DOCK3: variants seen among roughly 807,000 people sequenced by gnomAD.
The protein encoded by DOCK3 is dedicator of cytokinesis protein 3.
Under a neutral mutation model 265.6 loss-of-function variants are expected in DOCK3, and 60 were observed. That is an observed-to-expected ratio of 0.23 (90% confidence interval 0.18 to 0.28). The LOEUF is 0.28. DOCK3 is among the 10% of genes least tolerant of loss of function. The pLI is 1.00. For synonymous variants in DOCK3, 881 were observed against 938.0 expected (o/e 0.94, Z 1.11); for missense variants, 1,981 against 2,594.3 (o/e 0.76, Z 5.14).
chr3:50,877,868 T>A (rs967822268), intron 3 of DOCK3, among the ~76,000 whole-genome samples: 6 of 152,046 alleles, frequency 3.9e-5, no homozygotes, highest in African/African-American at 1.2e-4. Context: ...GGGAGACATC[T>A]CCCAATAGAG....
At chr3:50,717,155 A>G (rs1239189109) in intron 1 of DOCK3, among the ~76,000 whole-genome samples, 3 of 152,170 alleles carry the variant, frequency 2.0e-5, no homozygotes, top group African/African-American at 4.8e-5. Context: ...ATTAATGGAT[A>G]TTTGCATTAT....
chr3:50,914,399 T>G (rs1405426696), intron 4 of DOCK3, among the ~76,000 whole-genome samples: 1 of 152,142 alleles, frequency 6.6e-6, no homozygotes, highest in African/African-American at 2.4e-5. Context: ...GTTGTGTTTC[T>G]ATTTTCACTT....
intron 5 of DOCK3, among the ~76,000 whole-genome samples, chr3:50,951,722 A>G (rs975851468): frequency 4.6e-5 from 7 of 152,108 alleles, no homozygotes; most frequent in African/African-American, 1.7e-4. Context: ...GGTGTTTTAG[A>G]CTGTTATCCT....
At chr3:51,143,569 CCTCA>C (rs2085164676) in intron 9 of DOCK3, among the ~76,000 whole-genome samples, 1 of 152,096 alleles carries the variant, frequency 6.6e-6, no homozygotes, top group African/African-American at 2.4e-5. Context: ...CACACCCAGC[CCTCA>C]CTGTGTTTTT....
At chr3:51,147,380 T>G (rs2085348161) in intron 10 of DOCK3, among the ~76,000 whole-genome samples, 1 of 152,198 alleles carries the variant, frequency 6.6e-6, no homozygotes, top group African/African-American at 2.4e-5. Flanking sequence ...CTAGGGTACA[T>G]GTACACAACA....
intron 2 of DOCK3, among the ~76,000 whole-genome samples, chr3:50,798,834 A>G (rs534733618): frequency 6.6e-6 from 1 of 152,088 alleles, no homozygotes; most frequent in South Asian, 2.1e-4. Context: ...CTGTTTACTT[A>G]TAGTAGTTTT....
chr3:51,160,752 C>A lies in DOCK3; in HGVS notation c.1037+50C>A, dbSNP rs555618501. On this transcript the variant is annotated intron_variant, in intron 12 of 52. Transcript: ENST00000266037. ...TAATGATTTGTAGCATAAGACATCC[C>A]AGCACTGCCCTTGAGAGTAGTAGTG... is the stretch of plus-strand genomic sequence containing the variant. The A allele has an allele frequency of 1.1e-5, 17 of 1,582,628 alleles. 2 individuals are homozygous for A. The African/African-American group carries it at 1.6e-4, about 15-fold the overall frequency.
intron 1 of DOCK3, among the ~76,000 whole-genome samples, chr3:50,686,024 G>T (rs1472279540): frequency 6.6e-6 from 1 of 152,024 alleles, no homozygotes; most frequent in East Asian, 1.9e-4. Context: ...ATGAGGGGAT[G>T]GTTTCAGGAT....
chr3:51,019,006 A>G (rs186656384), intron 5 of DOCK3, among the ~76,000 whole-genome samples: 2 of 151,878 alleles, frequency 1.3e-5, no homozygotes, highest in Non-Finnish European at 2.9e-5. Context: ...GGGTAAGACT[A>G]TAGGCATGAG....
intron 12 of DOCK3, among the ~76,000 whole-genome samples, chr3:51,169,524 G>A (rs1327938162): frequency 6.0e-4 from 92 of 152,180 alleles, no homozygotes; most frequent in Non-Finnish European, 4.4e-5. Context: ...CTTATATGTG[G>A]GAGCTAAGTG....
chr3:51,153,170 C>G (rs1319686592), intron 10 of DOCK3, among the ~76,000 whole-genome samples: 2 of 152,206 alleles, frequency 1.3e-5, no homozygotes, highest in African/African-American at 4.8e-5. Flanking sequence ...TGGAGCTTCC[C>G]CAGCCGCTTT....
intron 7 of DOCK3, among the ~76,000 whole-genome samples, chr3:51,082,159 T>C (rs146862786): frequency 0.011 from 1,649 of 152,068 alleles, 25 homozygotes; most frequent in Middle Eastern, 0.045. Flanking sequence ...AAAGGCATTG[T>C]TCCAGAGAGA....
At chr3:50,846,788 A>G (rs2085585) in intron 3 of DOCK3, among the ~76,000 whole-genome samples, 15,072 of 151,938 alleles carry the variant, frequency 0.099, 919 homozygotes, top group Non-Finnish European at 0.13. Context: ...CTAGTTTCCA[A>G]TTTGCTGTAG....
chr3:51,121,920 G>A (rs1168569519), intron 9 of DOCK3, among the ~76,000 whole-genome samples: 1 of 152,106 alleles, frequency 6.6e-6, no homozygotes, highest in Admixed American at 6.5e-5. Context: ...TAAGACAATA[G>A]CCAGCCATAT....
chr3:50,885,850 C>T (rs1176969535), intron 3 of DOCK3, among the ~76,000 whole-genome samples: 2 of 151,938 alleles, frequency 1.3e-5, no homozygotes, highest in South Asian at 2.1e-4. Flanking sequence ...TGACCTTACT[C>T]GTGTGGGTGG....
intron 2 of DOCK3, among the ~76,000 whole-genome samples, chr3:50,812,372 A>G (rs1159761587): frequency 1.3e-5 from 2 of 152,208 alleles, no homozygotes; most frequent in Non-Finnish European, 2.9e-5. Flanking sequence ...TGGCAAAAGA[A>G]AGATGTTTAT....
chr3:51,246,232 CTT>C (rs34878916), intron 21 of DOCK3, among the ~76,000 whole-genome samples: 3 of 130,656 alleles, frequency 2.3e-5, no homozygotes, highest in Admixed American at 7.9e-5. Flanking sequence ...TTTAGGAAAA[CTT>C]TTTTTTTTTT....
chr3:51,221,642 T>TA (rs1222657799), intron 14 of DOCK3, among the ~76,000 whole-genome samples: 2 of 152,220 alleles, frequency 1.3e-5, no homozygotes, highest in East Asian at 3.9e-4. Flanking sequence ...GACCCTCTTA[T>TA]AAAAAAAAAC....
At chr3:51,160,776 T>C (rs928809275) in intron 12 of DOCK3, 74 bp downstream of exon 12, 1 of 1,520,674 alleles carries the variant, frequency 6.6e-7, no homozygotes, top group African/African-American at 1.4e-5. Flanking sequence ...AGAGTAGTAG[T>C]GCTCAAACCT....
Sources: allele counts gnomAD v4.1 joint callset (sites outside exome capture counted in the v4.1 genomes callset), GRCh38; gene constraint gnomAD v4.1.1; transcripts MANE v1.5; gene names NCBI Gene and HGNC (gene_info 2026-07-23, HGNC 2026-07-21).